The following ADCY8 variants were observed in gnomAD, a reference collection of about 807,000 sequenced individuals.
ADCY8 encodes adenylate cyclase 8, also known as adenylate cyclase type 8.
Under a neutral mutation model 119.7 loss-of-function variants are expected in ADCY8, and 51 were observed. That is an observed-to-expected ratio of 0.43 (90% CI 0.34 to 0.54). ADCY8 has a LOEUF of 0.54. Among genes scored for constraint, ADCY8 ranks in the 20% least tolerant of loss-of-function variants. The probability of loss-of-function intolerance (pLI) is 0.03; values close to 1 mark genes in which losing one functional copy is unlikely to be tolerated. For missense variants in ADCY8, 1,383 were observed against 1,598.8 expected (o/e 0.87, Z 2.30); for synonymous variants, 665 against 651.0 (o/e 1.02, Z -0.33).
intron 2 of ADCY8, among the ~76,000 whole-genome samples, chr8:130,973,292 G>C (rs1417990793): frequency 6.6e-6 from 1 of 152,206 alleles, no homozygotes; most frequent in African/African-American, 2.4e-5. Context: ...TTGATTCTTG[G>C]CTTAGTCATG....
intron 13 of ADCY8, 39 bp from the exon 14 acceptor site, chr8:130,814,266 C>G: frequency 6.2e-7 from 1 of 1,608,378 alleles, no homozygotes; most frequent in Non-Finnish European, 8.5e-7. Context: ...ATGAGGTAAA[C>G]TTCTGAGGTG....
chr8:130,860,582 G>A (rs1817893318), intron 9 of ADCY8, among the ~76,000 whole-genome samples: 1 of 152,158 alleles, frequency 6.6e-6, no homozygotes, highest in Non-Finnish European at 1.5e-5. Flanking sequence ...TTTAAGGTCT[G>A]TGTATAGGTT....
At chr8:130,909,581 T>A in intron 6 of ADCY8, 127 bp downstream of exon 6, 1 of 1,101,972 alleles carries the variant, frequency 9.1e-7, no homozygotes. Context: ...GATGTTTCAG[T>A]GTCTGGTCTC....
chr8:130,822,920 T>A (rs773810216), intron 12 of ADCY8, among the ~76,000 whole-genome samples: 3 of 152,188 alleles, frequency 2.0e-5, no homozygotes, highest in Non-Finnish European at 4.4e-5. Context: ...TGGCCCACAT[T>A]TCCCCCTTGC....
intron 14 of ADCY8, among the ~76,000 whole-genome samples, chr8:130,801,146 C>T (rs960798956): frequency 1.2e-4 from 19 of 152,228 alleles, no homozygotes; most frequent in African/African-American, 4.3e-4. Flanking sequence ...TCATGGTCTC[C>T]AGCCTCAGCT....
intron 2 of ADCY8, among the ~76,000 whole-genome samples, chr8:130,960,903 G>A (rs1226257699): frequency 6.6e-6 from 1 of 152,110 alleles, no homozygotes; most frequent in African/African-American, 2.4e-5. Flanking sequence ...TAGATTGCCT[G>A]ACTTAGTTTT....
chr8:131,004,810 G>T (rs768303147), intron 1 of ADCY8, among the ~76,000 whole-genome samples: 2 of 152,186 alleles, frequency 1.3e-5, no homozygotes, highest in African/African-American at 2.4e-5. Context: ...TTCTCTTAGG[G>T]AAGGCCTCTG....
At chr8:130,859,405 T>C (rs1817854209) in intron 9 of ADCY8, among the ~76,000 whole-genome samples, 1 of 152,198 alleles carries the variant, frequency 6.6e-6, no homozygotes, top group African/African-American at 2.4e-5. Flanking sequence ...CCAGTATACC[T>C]ATATAGGTGT....
intron 15 of ADCY8, among the ~76,000 whole-genome samples, chr8:130,793,954 A>C (rs911118725): frequency 6.6e-6 from 1 of 152,196 alleles, no homozygotes; most frequent in Non-Finnish European, 1.5e-5. Context: ...AGTAATTTTT[A>C]AAGCTAAGAA....
chr8:130,977,974 C>T (rs1246109844), intron 2 of ADCY8, among the ~76,000 whole-genome samples: 1 of 152,204 alleles, frequency 6.6e-6, no homozygotes, highest in Non-Finnish European at 1.5e-5. Context: ...ATCTGACAAA[C>T]TGTTCTTCAG....
chr8:131,024,412 T>C (rs1823763870), intron 1 of ADCY8, among the ~76,000 whole-genome samples: 1 of 152,200 alleles, frequency 6.6e-6, no homozygotes, highest in Non-Finnish European at 1.5e-5. Flanking sequence ...GACTAACCTA[T>C]AGCAGGATTA....
At chr8:130,881,707 G>A (rs1435449) in intron 8 of ADCY8, among the ~76,000 whole-genome samples, 75,782 of 151,892 alleles carry the variant, frequency 0.5, 19,011 homozygotes, top group East Asian at 0.64. Flanking sequence ...TGTACACCTT[G>A]ACATCTCTGA....
In ADCY8 at chr8:130,781,002, T is replaced by C. The variant is rs555438479; in HGVS notation, c.3269-125A>G. 8.6e-5 allele frequency: 111 copies of C among 1,285,412 alleles called. No individual in the cohort carries two copies. In the East Asian group the frequency reaches 2.5e-3, roughly 29 times the overall value. The allele number at this position is 1,285,412 out of a possible 1,614,324, so 79.6% of individuals were successfully genotyped here. A position where few individuals can be genotyped will look rare whatever the true frequency, so the allele number is the denominator to read the frequency against. The stretch of plus-strand genomic sequence containing the variant: ...CTGTGGATGAACGGGAGGGTCCAGA[T>C]CCTGCCCCCAGTCACTTATTAGATG... On this transcript the variant is annotated intron_variant, in intron 17 of 17. Coordinates refer to ENST00000286355, the MANE Select transcript of ADCY8 (RefSeq NM_001115.3).
At chr8:130,787,807 GTTGT>G (rs1815304117) in intron 15 of ADCY8, among the ~76,000 whole-genome samples, 1 of 151,958 alleles carries the variant, frequency 6.6e-6, no homozygotes, top group South Asian at 2.1e-4. Flanking sequence ...ACACATGTGT[GTTGT>G]TTATGTGCAT....
intron 16 of ADCY8, 149 bp from the exon 17 acceptor site, chr8:130,783,954 AG>A: frequency 1.7e-6 from 1 of 601,482 alleles, no homozygotes; most frequent in Admixed American, 3.1e-5. Context: ...TCTACACTCA[AG>A]TCACTGGTAT....
chr8:131,002,623 T>C (rs148154401), intron 1 of ADCY8, among the ~76,000 whole-genome samples: 32 of 149,892 alleles, frequency 2.1e-4, no homozygotes, highest in African/African-American at 7.4e-4. Context: ...AAAAATAACA[T>C]AGCAATAAAG....
chr8:130,994,784 C>T (rs1046826728), intron 1 of ADCY8, among the ~76,000 whole-genome samples: 15 of 152,070 alleles, frequency 9.9e-5, no homozygotes, highest in Non-Finnish European at 1.6e-4. Flanking sequence ...TTTATTTTTA[C>T]TGCTAAATAG....
In ADCY8 at chr8:131,025,430, C is replaced by T. The variant is rs148574737; in HGVS notation, c.960+13944G>A. 1.9e-3 allele frequency among the ~76,000 whole-genome samples: 286 copies of T among 152,088 alleles called. 1 individual carries two copies. Among genetic ancestry groups the T allele is most frequent in the African/African-American group, 6.7e-3 (277 of 41,488 alleles). ...ACAACTCTGTGTTCAGCATCCTCAA[C>T]TATAAAAAGGGAAACAGCAATACTG... On this transcript the variant is annotated intron_variant, in intron 1 of 17. Transcript: ENST00000286355.
intron 4 of ADCY8, 102 bp downstream of exon 4, chr8:130,943,249 G>C: frequency 1.3e-6 from 1 of 791,126 alleles, no homozygotes; most frequent in African/African-American, 1.7e-5. Flanking sequence ...GATGCAGAAT[G>C]GTAATGACAT....
Sources: gnomAD v4.1 joint callset for allele counts (sites outside exome capture counted in the v4.1 genomes callset) on GRCh38, gnomAD v4.1.1 for gene constraint, MANE v1.5 for transcripts, NCBI Gene and HGNC (gene_info 2026-07-23, HGNC 2026-07-21) for gene names.